SPMIP4: variants seen among roughly 807,000 people sequenced by gnomAD.
The protein encoded by SPMIP4 is sperm microtubule inner protein 4, also known as sperm-associated microtubule inner protein 4.
At chr7:25,178,165 T>A in the SPMIP4 span, among the ~76,000 whole-genome samples, 2 of 152,248 alleles carry the variant, frequency 1.3e-5, no homozygotes, top group Non-Finnish European at 2.9e-5. Context: ...TGCATAGTAT[T>A]CCATGGTGTA....
chr7:25,139,881 G>C, the SPMIP4 span, among the ~76,000 whole-genome samples: 1 of 152,052 alleles, frequency 6.6e-6, no homozygotes, highest in Non-Finnish European at 1.5e-5. Context: ...TGTTCTTTAT[G>C]GTTTAATCAG....
chr7:25,126,302 C>T, the SPMIP4 span, among the ~76,000 whole-genome samples: 1 of 152,156 alleles, frequency 6.6e-6, no homozygotes, highest in Non-Finnish European at 1.5e-5. Context: ...CTCAGCCCCC[C>T]AAGTAGCTGG....
At chr7:25,148,385 C>T in the SPMIP4 span, among the ~76,000 whole-genome samples, 2 of 151,970 alleles carry the variant, frequency 1.3e-5, no homozygotes, top group African/African-American at 4.8e-5. Flanking sequence ...ATATGGTGTG[C>T]CATGATTGCA....
chr7:25,132,971 G>A, the SPMIP4 span, among the ~76,000 whole-genome samples: 3 of 149,996 alleles, frequency 2.0e-5, no homozygotes, highest in African/African-American at 4.8e-5. This position sits in a 1 kb window ranked among gnomAD's most constrained non-coding sequence, Gnocchi z 5.0. Flanking sequence ...ATTCAAGACT[G>A]CTGTACACAT....
the SPMIP4 span, chr7:25,136,800 T>C: frequency 2.5e-6 from 4 of 1,601,994 alleles, no homozygotes; most frequent in African/African-American, 4.0e-5. This position sits in a 1 kb window ranked among gnomAD's most constrained non-coding sequence, Gnocchi z 5.7. Context: ...CTTGCTGTAG[T>C]TGTGGGATAA....
the SPMIP4 span, among the ~76,000 whole-genome samples, chr7:25,170,630 G>A: frequency 3.9e-5 from 6 of 152,138 alleles, no homozygotes; most frequent in Non-Finnish European, 5.9e-5. Flanking sequence ...AAGATTTATC[G>A]CTATGTTTTC....
the SPMIP4 span, among the ~76,000 whole-genome samples, chr7:25,149,067 T>C: frequency 7.9e-5 from 12 of 152,328 alleles, no homozygotes; most frequent in South Asian, 2.3e-3. Context: ...AACTAGGTGA[T>C]TGGCACAAGA....
At chr7:25,157,699 C>T in the SPMIP4 span, among the ~76,000 whole-genome samples, 2 of 152,118 alleles carry the variant, frequency 1.3e-5, no homozygotes, top group Non-Finnish European at 2.9e-5. Flanking sequence ...GAAACTGTCA[C>T]AGCCAAGAGG....
the SPMIP4 span, chr7:25,161,252 G>A: frequency 6.5e-7 from 1 of 1,528,666 alleles, no homozygotes; most frequent in Non-Finnish European, 8.9e-7. Flanking sequence ...TTGTTCAACA[G>A]GAAGCTTTCT....
At chr7:25,138,912 T>C in the SPMIP4 span, among the ~76,000 whole-genome samples, 2 of 152,216 alleles carry the variant, frequency 1.3e-5, no homozygotes, top group African/African-American at 4.8e-5. This position sits in a 1 kb window ranked among gnomAD's most constrained non-coding sequence, Gnocchi z 6.2. Context: ...AGTTGTTTTA[T>C]AAATATGAAC....
chr7:25,177,144 T>C, the SPMIP4 span, among the ~76,000 whole-genome samples: 1 of 152,198 alleles, frequency 6.6e-6, no homozygotes, highest in Non-Finnish European at 1.5e-5. Context: ...AAAAATGGAA[T>C]GGACTGCCTG....
At chr7:25,147,204 G>T in the SPMIP4 span, among the ~76,000 whole-genome samples, 4 of 152,230 alleles carry the variant, frequency 2.6e-5, no homozygotes, top group African/African-American at 7.2e-5. Context: ...TGAGGCAGGA[G>T]AATTGCTTGA....
At chr7:25,132,205 C>T in the SPMIP4 span, among the ~76,000 whole-genome samples, 9 of 152,116 alleles carry the variant, frequency 5.9e-5, no homozygotes, top group East Asian at 1.9e-4. This position sits in a 1 kb window ranked among gnomAD's most constrained non-coding sequence, Gnocchi z 5.0. Flanking sequence ...CTCCTGTTTT[C>T]GCCTAATTAG....
At chr7:25,129,696 C>T in the SPMIP4 span, among the ~76,000 whole-genome samples, 1 of 151,996 alleles carries the variant, frequency 6.6e-6, no homozygotes, top group Non-Finnish European at 1.5e-5. Context: ...TGGAGGCTTC[C>T]ATTTGGCCAT....
the SPMIP4 span, chr7:25,179,723 T>G: frequency 6.5e-6 from 1 of 154,458 alleles, no homozygotes; most frequent in Non-Finnish European, 1.4e-5. Flanking sequence ...AAATAAGCGC[T>G]GTCCTAAAGC....
the SPMIP4 span, among the ~76,000 whole-genome samples, chr7:25,145,245 T>A: frequency 6.6e-6 from 1 of 151,354 alleles, no homozygotes; most frequent in Non-Finnish European, 1.5e-5. Context: ...ATTACAGGCA[T>A]GAGTCACCAT....
the SPMIP4 span, among the ~76,000 whole-genome samples, chr7:25,132,042 A>G: frequency 6.6e-6 from 1 of 152,150 alleles, no homozygotes; most frequent in Non-Finnish European, 1.5e-5. The surrounding 1 kb of genome is among the most constrained non-coding windows in gnomAD (Gnocchi z 5.0). Context: ...TGCAAGATTT[A>G]ATAGAGTGAA....
the SPMIP4 span, chr7:25,155,039 A>G: frequency 1.9e-6 from 3 of 1,613,900 alleles, no homozygotes; most frequent in African/African-American, 4.0e-5. Flanking sequence ...TTGAATCATA[A>G]GCCTTGGTTG....
the SPMIP4 span, chr7:25,134,969 T>C: frequency 1.0e-6 from 1 of 984,020 alleles, no homozygotes; most frequent in Non-Finnish European, 1.2e-6. Flanking sequence ...ATTCTCTAAC[T>C]TTAGCCCAGA....
Sources: allele counts gnomAD v4.1 joint callset (sites outside exome capture counted in the v4.1 genomes callset), GRCh38; gene constraint gnomAD v4.1.1; non-coding constraint Gnocchi (gnomAD v3.1); transcripts MANE v1.5; gene names NCBI Gene and HGNC (gene_info 2026-07-23, HGNC 2026-07-21).